The following TUBA3C variants were observed in gnomAD, a reference collection of about 807,000 sequenced individuals.
TUBA3C encodes tubulin alpha 3c.
Under a neutral mutation model 33.4 loss-of-function variants are expected in TUBA3C, and 23 were observed. The observed-to-expected ratio is 0.69, with a 90% CI of 0.50 to 0.98. TUBA3C has a LOEUF of 0.98. Among genes scored for constraint, TUBA3C ranks in the 50% least tolerant of loss-of-function variants. The probability of loss-of-function intolerance (pLI) is 0.00; values close to 1 mark genes in which losing one functional copy is unlikely to be tolerated. For missense variants in TUBA3C, 402 were observed against 616.0 expected, an observed-to-expected ratio of 0.65 and a Z score of 3.68; for synonymous variants, 269 against 250.4, an observed-to-expected ratio of 1.07 and a Z score of -0.70.
chr13:19,174,117 C>G lies in TUBA3C; in HGVS notation c.1099G>C (p.Asp367His). The G allele has an allele frequency of 6.2e-7, 1 of 1,613,894 alleles. No homozygotes were observed. ...YQPPTVVPGGDLAKVQRAVCM... is the reference protein window; with the variant it reads ...YQPPTVVPGGHLAKVQRAVCM... ...ACAGCCCGCTGCACCTTGGCCAGGT[C>G]TCCCCCAGGGACCACCGTGGGGGGC... Residue 367 changes from aspartate (D) to histidine (H), a missense_variant, in exon 5 of 5, where the codon GAC becomes CAC. By Grantham distance (81) the Asp-to-His change is moderately conservative. Transcript: ENST00000400113.
At position 19,177,472 on chromosome 13, in the gene TUBA3C, T is replaced by A. The variant is rs751471888; in HGVS notation, c.511A>T (p.Ile171Phe). The A allele has an allele frequency of 1.2e-6, 2 of 1,613,830 alleles. No homozygotes were observed. The highest frequency in any genetic ancestry group is 2.7e-5 in the African/African-American group (2 of 74,860). ...YGKKSKLEFA[I>F]YPAPQVSTAV... ...GTGGAGACCTGGGGGGCTGGGTAAA[T>A]GGCAAATTCTAGCTTGGACTTCTTG... The change falls in exon 4 of 5, where the codon ATT becomes TTT. Residue 171 changes from isoleucine (I) to phenylalanine (F), a missense_variant. By Grantham distance (21) the Ile-to-Phe change is conservative (BLOSUM62 0). Coordinates refer to ENST00000400113, the MANE Select transcript of TUBA3C (RefSeq NM_006001.3). The surrounding 1 kb of genome is among the most constrained non-coding windows in gnomAD (Gnocchi z 5.0).
intron 1 of TUBA3C, among the ~76,000 whole-genome samples, chr13:19,180,780 CCA>C (rs1869382975): frequency 6.6e-6 from 1 of 151,916 alleles, no homozygotes; most frequent in South Asian, 2.1e-4. Context: ...CAGGCGTGAG[CCA>C]CAGCGCCCGG....
chr13:19,175,754 C>CT (rs1365959710), intron 4 of TUBA3C, among the ~76,000 whole-genome samples: 3 of 151,902 alleles, frequency 2.0e-5, no homozygotes, highest in African/African-American at 2.4e-5. Flanking sequence ...GTCTTTTTTT[C>CT]TTTTTTTGAG....
Position 19,177,737 on chromosome 13 carries a change from A to G in TUBA3C, c.376-130T>C, listed in dbSNP as rs1869251290. On this transcript the variant is annotated intron_variant, in intron 3 of 4. Coordinates refer to ENST00000400113, the MANE Select transcript of TUBA3C (RefSeq NM_006001.3). The surrounding 1 kb of genome is among the most constrained non-coding windows in gnomAD (Gnocchi z 5.0). ...CAATCATCCATAATAAACACGCAGTACACTCTGAAGCAAAGAAAAGCAGAC... is the reference window on the plus strand; with the variant it reads ...CAATCATCCATAATAAACACGCAGTGCACTCTGAAGCAAAGAAAAGCAGAC... The G allele has an allele frequency of 8.2e-7, 1 of 1,225,688 alleles. No individual in the cohort carries two copies. Among genetic ancestry groups the G allele is most frequent in the Admixed American group, 2.9e-5 (1 of 34,642 alleles). 75.9% of individuals were successfully genotyped at this position (1,225,688 alleles called of 1,614,324 possible).
chr13:19,181,714 C>T lies in TUBA3C; in HGVS notation c.3+31G>A, dbSNP rs36214099. The stretch of plus-strand genomic sequence containing the variant: ...AACTTCGTCCACCCTCCAGCCTGGG[C>T]GTCTGCGGGGTGGGAGTGACCTGGC... On this transcript the variant is annotated intron_variant, in intron 1 of 4. Coordinates refer to ENST00000400113, the MANE Select transcript of TUBA3C (RefSeq NM_006001.3). 4,213 of 1,601,522 alleles carry T rather than the reference C, an allele frequency of 2.6e-3. 12 individuals carry two copies. The highest frequency in any genetic ancestry group is 3.3e-3 in the Non-Finnish European group (3,880 of 1,179,906).
intron 1 of TUBA3C, among the ~76,000 whole-genome samples, chr13:19,179,908 G>T (rs1164812482): frequency 3.3e-5 from 5 of 152,192 alleles, no homozygotes; most frequent in Non-Finnish European, 5.9e-5. Flanking sequence ...AGCAGTTTTT[G>T]ATTATGTCCT....
Position 19,177,672 on chromosome 13 carries a change from C to T in TUBA3C, c.376-65G>A, listed in dbSNP as rs1869249551. ...GCCACACCACCAACCTCCACCAAGC[C>T]AGGGCCACTTCTCTGCCTCTGAAGA... On this transcript the variant is annotated intron_variant, in intron 3 of 4. Coordinates refer to ENST00000400113, the MANE Select transcript of TUBA3C (RefSeq NM_006001.3). This position sits in a 1 kb window ranked among gnomAD's most constrained non-coding sequence, Gnocchi z 5.0. 2 of 1,517,072 alleles carry T rather than the reference C, an allele frequency of 1.3e-6. No homozygotes were observed. The highest frequency in any genetic ancestry group is 1.8e-6 in the Non-Finnish European group (2 of 1,133,896). The allele number at this position is 1,517,072 out of a possible 1,614,324, so 94.0% of individuals were successfully genotyped here.
At chr13:19,180,688 G>A (rs758951273) in intron 1 of TUBA3C, among the ~76,000 whole-genome samples, 2 of 151,870 alleles carry the variant, frequency 1.3e-5, no homozygotes, top group African/African-American at 2.4e-5. Context: ...GTAGAGATGG[G>A]GTTTCACCGT....
At position 19,177,854 on chromosome 13, in the gene TUBA3C, T is replaced by G. The variant is rs1328843957; in HGVS notation, c.376-247A>C. On this transcript the variant is annotated intron_variant, in intron 3 of 4. Transcript: ENST00000400113. The surrounding 1 kb of genome is among the most constrained non-coding windows in gnomAD (Gnocchi z 5.0). Reference sequence around the variant, plus strand: ...AGATACTGTTCTAAGTTGTTTTTTTTTTTTTTTTTTTAGATAGAATCTCAC... The same window carrying G: ...AGATACTGTTCTAAGTTGTTTTTTTGTTTTTTTTTTTAGATAGAATCTCAC... Among the ~76,000 whole-genome samples, 2 of 151,140 alleles carry G rather than the reference T, an allele frequency of 1.3e-5. No homozygotes were observed. The highest frequency in any genetic ancestry group is 3.0e-5 in the Non-Finnish European group (2 of 67,758).
Position 19,174,031 on chromosome 13 carries a change from G to C in TUBA3C, c.1185C>G (p.Phe395Leu). ...AGGCCCGCTTGGCATACATGAGATC[G>C]AACTTATGGTCCAGGCGAGCCCAGG... is the stretch of plus-strand genomic sequence containing the variant. The part of the protein sequence containing the change: ...AEAWARLDHK[F>L]DLMYAKRAFV... Residue 395 changes from phenylalanine (F) to leucine (L), a missense_variant, in exon 5 of 5, where the codon TTC becomes TTG. Transcript: ENST00000400113. The C allele has an allele frequency of 1.2e-6, 2 of 1,613,692 alleles. No individual in the cohort carries two copies. Among genetic ancestry groups the C allele is most frequent in the Non-Finnish European group, 1.7e-6 (2 of 1,179,954 alleles).
Position 19,173,841 on chromosome 13 carries a change from G to C in TUBA3C, c.*22C>G. 7 of 1,600,404 alleles carry C rather than the reference G, an allele frequency of 4.4e-6. No individual in the cohort carries two copies. The highest frequency in any genetic ancestry group is 6.0e-6 in the Non-Finnish European group (7 of 1,172,364). On this transcript the variant is annotated 3_prime_UTR_variant, in exon 5 of 5. Transcript: ENST00000400113. Reference sequence around the variant, plus strand: ...CCACGCTGGGGGTGGCAGTGGAGTGGAGAACCCACCACACCCTCCCCTCAG... The same window carrying C: ...CCACGCTGGGGGTGGCAGTGGAGTGCAGAACCCACCACACCCTCCCCTCAG...
At chr13:19,178,045 C>T (rs1869264505) in intron 3 of TUBA3C, among the ~76,000 whole-genome samples, 1 of 152,262 alleles carries the variant, frequency 6.6e-6, no homozygotes, top group South Asian at 2.1e-4. Flanking sequence ...CAGGGTTTCA[C>T]CACGTTGGCC....
Position 19,177,104 on chromosome 13 carries a change from A to G in TUBA3C, c.879T>C (p.Asn293=). 1 of 1,614,142 alleles carries G rather than the reference A, an allele frequency of 6.2e-7. No homozygotes were observed. Among genetic ancestry groups the G allele is most frequent in the Non-Finnish European group, 8.5e-7 (1 of 1,180,034 alleles). Residue 293 remains asparagine, a synonymous_variant, in exon 4 of 5, where the codon AAT becomes AAC. Coordinates refer to ENST00000400113, the MANE Select transcript of TUBA3C (RefSeq NM_006001.3). This position sits in a 1 kb window ranked among gnomAD's most constrained non-coding sequence, Gnocchi z 5.0. ...HEQLSVAEIT[N]ACFEPANQMV... is the part of the protein sequence containing the mutation. The stretch of plus-strand genomic sequence containing the variant: ...TCTGATTGGCTGGCTCGAAGCAGGC[A>G]TTGGTGATCTCAGCCACGGACAGCT...
rs769484371 is a variant in TUBA3C at position 19,177,418 on chromosome 13, G to A, written c.565C>T (p.Leu189=). ...TAVVEPYNSI[L]TTHTTLEHSD... ...TGTTCCAGGGTCGTGTGGGTGGTCA[G>A]GATGGAGTTGTAGGGCTCCACCACG... The change falls in exon 4 of 5, where the codon CTG becomes TTG. Residue 189 remains leucine (L), a synonymous_variant. Transcript: ENST00000400113. This position sits in a 1 kb window ranked among gnomAD's most constrained non-coding sequence, Gnocchi z 5.0. The A allele has an allele frequency of 1.1e-5, 18 of 1,614,036 alleles. No homozygotes were observed. The highest frequency in any genetic ancestry group is 1.3e-5 in the Non-Finnish European group (15 of 1,180,040).
Position 19,173,958 on chromosome 13 carries a change from C to T in TUBA3C, c.1258G>A (p.Glu420Lys). ...AGAGCTGCCAGGTCCTCGCGGGCCTCAGAGAACTCCCCCTCCTCCATGCCT... is the reference window on the plus strand; with the variant it reads ...AGAGCTGCCAGGTCCTCGCGGGCCTTAGAGAACTCCCCCTCCTCCATGCCT... Reference protein sequence around the residue: ...GEGMEEGEFSEAREDLAALEK... With the variant: ...GEGMEEGEFSKAREDLAALEK... The change falls in exon 5 of 5, where the codon GAG becomes AAG. Residue 420 changes from glutamate (E) to lysine (K), a missense_variant. Transcript: ENST00000400113. 1 of 1,609,756 alleles carries T rather than the reference C, an allele frequency of 6.2e-7. No individual in the cohort carries two copies. Among genetic ancestry groups the T allele is most frequent in the Non-Finnish European group, 8.5e-7 (1 of 1,178,276 alleles).
At chr13:19,181,313 T>C (rs900227635) in intron 1 of TUBA3C, among the ~76,000 whole-genome samples, 4 of 152,148 alleles carry the variant, frequency 2.6e-5, no homozygotes, top group Admixed American at 2.6e-4. Context: ...AACTCCCGTC[T>C]GAGCTTTAAT....
intron 4 of TUBA3C, among the ~76,000 whole-genome samples, chr13:19,174,702 C>T (rs1869122007): frequency 1.3e-5 from 2 of 151,698 alleles, no homozygotes; most frequent in Non-Finnish European, 2.9e-5. Flanking sequence ...TGCAGTGGCT[C>T]ACACCCATTA....
intron 4 of TUBA3C, among the ~76,000 whole-genome samples, chr13:19,176,407 A>G (rs1240404618): frequency 2.0e-5 from 3 of 151,874 alleles, no homozygotes; most frequent in East Asian, 1.9e-4. Flanking sequence ...CAACAAAGTA[A>G]GTAAGTAAAG....
Position 19,177,852 on chromosome 13 carries a change from T to TC in TUBA3C, c.376-246_376-245insG, listed in dbSNP as rs1869257290. Among the ~76,000 whole-genome samples, 1 of 150,982 alleles carries TC rather than the reference T, an allele frequency of 6.6e-6. No individual in the cohort carries two copies. The highest frequency in any genetic ancestry group is 2.4e-5 in the African/African-American group (1 of 40,920). On this transcript the variant is annotated intron_variant, in intron 3 of 4. Coordinates refer to ENST00000400113, the MANE Select transcript of TUBA3C (RefSeq NM_006001.3). This position sits in a 1 kb window ranked among gnomAD's most constrained non-coding sequence, Gnocchi z 5.0. ...CAAGATACTGTTCTAAGTTGTTTTTTTTTTTTTTTTTTTAGATAGAATCTC... is the reference window on the plus strand; with the variant it reads ...CAAGATACTGTTCTAAGTTGTTTTTTCTTTTTTTTTTTTTAGATAGAATCTC...
Sources: gnomAD v4.1 joint callset for allele counts (sites outside exome capture counted in the v4.1 genomes callset) on GRCh38, gnomAD v4.1.1 for gene constraint, Gnocchi (gnomAD v3.1) non-coding constraint, MANE v1.5 for transcripts, NCBI Gene and HGNC (gene_info 2026-07-23, HGNC 2026-07-21) for gene names.